Variants in AFG3L2 observed in about 807,000 individuals in gnomAD.
The protein encoded by AFG3L2 is mitochondrial inner membrane m-AAA protease component AFG3L2.
Under a neutral mutation model 94.5 loss-of-function variants are expected in AFG3L2, and 54 were observed. The ratio of observed to expected loss-of-function variants is 0.57; its 90% CI spans 0.46 to 0.72. The LOEUF (loss-of-function observed/expected upper bound fraction) is 0.72. AFG3L2 is among the 30% of genes least tolerant of loss of function. The pLI is 0.00. For missense variants in AFG3L2, 754 were observed against 994.9 expected (o/e 0.76, Z 3.26); for synonymous variants, 377 against 365.5 (o/e 1.03, Z -0.36).
intron 11 of AFG3L2, 33 bp downstream of exon 11, chr18:12,351,273 G>A: frequency 2.5e-6 from 4 of 1,613,964 alleles, no homozygotes; most frequent in Non-Finnish European, 3.4e-6. Context: ...ACACTCATGA[G>A]CACTGGACCT....
intron 5 of AFG3L2, 120 bp downstream of exon 5, chr18:12,366,845 T>A: frequency 7.1e-7 from 1 of 1,401,648 alleles, no homozygotes; most frequent in Non-Finnish European, 1.0e-6. Flanking sequence ...AAAATCTGAG[T>A]GAAAATAACA....
intron 6 of AFG3L2, among the ~76,000 whole-genome samples, chr18:12,361,801 A>G (rs910646307): frequency 1.3e-5 from 2 of 152,378 alleles, no homozygotes; most frequent in East Asian, 3.9e-4. Flanking sequence ...ATATAACAAC[A>G]TAACAGTATT....
In AFG3L2 at chr18:12,371,945, C is replaced by T. The variant is rs570987239; in HGVS notation, c.115-254G>A. Among the ~76,000 whole-genome samples the T allele has an allele frequency of 3.3e-5, 5 of 152,320 alleles. No individual in the cohort carries two copies. The South Asian group carries it at 8.3e-4, about 25-fold the overall frequency. ...CAAAATCAGACATAATGTAGAATTG[C>T]AATCCAATTATAATTATGTGACAAC... On this transcript the variant is annotated intron_variant, in intron 1 of 16. Coordinates refer to ENST00000269143, the MANE Select transcript of AFG3L2 (RefSeq NM_006796.3).
At chr18:12,334,572 C>T (rs760754505) in intron 16 of AFG3L2, among the ~76,000 whole-genome samples, 81 of 152,294 alleles carry the variant, frequency 5.3e-4, no homozygotes, top group Admixed American at 1.4e-3. Flanking sequence ...CTTTCCTCCC[C>T]CTGCCCAGGG....
At chr18:12,350,098 C>T (rs1908265820) in intron 12 of AFG3L2, among the ~76,000 whole-genome samples, 1 of 152,058 alleles carries the variant, frequency 6.6e-6, no homozygotes, top group South Asian at 2.1e-4. Context: ...TGCAACCTCA[C>T]CTCCTGGGTT....
chr18:12,344,315 A>T (rs567049273), intron 13 of AFG3L2, 68 bp from the exon 14 acceptor site: 1 of 1,247,706 alleles, frequency 8.0e-7, no homozygotes, highest in Admixed American at 1.7e-5. Context: ...AGACAGTTAT[A>T]CAGTGCTATA....
At chr18:12,350,010 A>T (rs896848633) in intron 12 of AFG3L2, among the ~76,000 whole-genome samples, 8 of 148,550 alleles carry the variant, frequency 5.4e-5, no homozygotes, top group Admixed American at 1.4e-4. Flanking sequence ...ACCTAGAGAG[A>T]CAGAAAGTTT....
intron 15 of AFG3L2, 144 bp from the exon 16 acceptor site, chr18:12,337,679 C>T: frequency 1.3e-6 from 1 of 741,340 alleles, no homozygotes; most frequent in Non-Finnish European, 2.3e-6. Context: ...GTGCTTTAAA[C>T]TCATGACTAG....
intron 5 of AFG3L2, among the ~76,000 whole-genome samples, chr18:12,364,375 T>C (rs1473231574): frequency 6.6e-6 from 1 of 152,154 alleles, no homozygotes; most frequent in Non-Finnish European, 1.5e-5. Flanking sequence ...ATATCTACCT[T>C]TGTGGGCACA....
At chr18:12,366,843 A>G in intron 5 of AFG3L2, 122 bp downstream of exon 5, 1 of 1,365,300 alleles carries the variant, frequency 7.3e-7, no homozygotes, top group Admixed American at 1.7e-5. Flanking sequence ...GAAAAATCTG[A>G]GTGAAAATAA....
intron 12 of AFG3L2, among the ~76,000 whole-genome samples, chr18:12,350,591 C>T (rs1908284746): frequency 6.6e-6 from 1 of 152,176 alleles, no homozygotes; most frequent in Admixed American, 6.5e-5. Context: ...GTGACAGGTA[C>T]AGATGGGTTC....
intron 8 of AFG3L2, among the ~76,000 whole-genome samples, chr18:12,358,086 C>A (rs1908549148): frequency 6.6e-6 from 1 of 152,174 alleles, no homozygotes; most frequent in African/African-American, 2.4e-5. Context: ...AAGAATTATA[C>A]CTTTTTATTC....
chr18:12,353,514 C>CAAAAA (rs71172076), intron 9 of AFG3L2, among the ~76,000 whole-genome samples: 13 of 81,052 alleles, frequency 1.6e-4, no homozygotes, highest in East Asian at 3.6e-4. Context: ...AATTCTGTCT[C>CAAAAA]AAAAAAAAAA....
At position 12,360,055 on chromosome 18, in the gene AFG3L2, TAAAAACAAAAAAAC is replaced by T; in HGVS notation, c.628-18_628-5del. 1 of 1,613,572 alleles carries T rather than the reference TAAAAACAAAAAAAC, an allele frequency of 6.2e-7. No homozygotes were observed. The highest frequency in any genetic ancestry group is 8.5e-7 in the Non-Finnish European group (1 of 1,179,700). On this transcript the variant is annotated splice_region_variant and splice_polypyrimidine_tract_variant and intron_variant, in intron 6 of 16. Coordinates refer to ENST00000269143, the MANE Select transcript of AFG3L2 (RefSeq NM_006796.3). ...CAATATTAAACCAAACGTATTGCTA[TAAAAACAAAAAAAC>T]AAATATCCTAAGAATGTAGTGAAAC...
At position 12,365,717 on chromosome 18, in the gene AFG3L2, G is replaced by A. The variant is rs1030508200; in HGVS notation, c.552+1248C>T. Reference sequence around the variant, plus strand: ...TACCTTCCTGCACAACCTTCAGAACGAATTCAAATTCTTTACACTACCTCA... The same window carrying A: ...TACCTTCCTGCACAACCTTCAGAACAAATTCAAATTCTTTACACTACCTCA... On this transcript the variant is annotated intron_variant, in intron 5 of 16. Transcript: ENST00000269143. Among the ~76,000 whole-genome samples, 6 of 152,048 alleles carry A rather than the reference G, an allele frequency of 3.9e-5. No homozygotes were observed. The South Asian group carries it at 6.2e-4, about 16-fold the overall frequency.
chr18:12,357,375 C>G (rs1451292613), intron 8 of AFG3L2, among the ~76,000 whole-genome samples: 1 of 152,176 alleles, frequency 6.6e-6, no homozygotes, highest in East Asian at 1.9e-4. Flanking sequence ...TACCCACAAA[C>G]AGTATCCTCT....
chr18:12,330,565 G>C (rs1275583336), intron 16 of AFG3L2, among the ~76,000 whole-genome samples: 2 of 152,068 alleles, frequency 1.3e-5, no homozygotes, highest in Admixed American at 1.3e-4. Context: ...ATCACCTGAG[G>C]TCCGAAGTTC....
chr18:12,350,200 A>T (rs906332915), intron 12 of AFG3L2, among the ~76,000 whole-genome samples: 1 of 150,760 alleles, frequency 6.6e-6, no homozygotes, highest in Non-Finnish European at 1.5e-5. Flanking sequence ...TAGTAGAGAC[A>T]GGGTTTTGCC....
At chr18:12,344,053 G>GACT in intron 14 of AFG3L2, 79 bp downstream of exon 14, 1 of 1,256,300 alleles carries the variant, frequency 8.0e-7, no homozygotes, top group Non-Finnish European at 1.2e-6. Context: ...TTGCAGGAGT[G>GACT]TAGCTTGCTT....
Sources: gnomAD v4.1 joint callset for allele counts (sites outside exome capture counted in the v4.1 genomes callset) on GRCh38, gnomAD v4.1.1 for gene constraint, MANE v1.5 for transcripts, NCBI Gene and HGNC (gene_info 2026-07-23, HGNC 2026-07-21) for gene names.